Variants in SLAMF8 observed in about 807,000 individuals in gnomAD.
SLAMF8 encodes B lymphocyte activator macrophage expressed.
In SLAMF8, 23 loss-of-function variants were observed where a neutral mutation model predicts 29.0. The ratio of observed to expected loss-of-function variants is 0.79; its 90% CI spans 0.57 to 1.13. SLAMF8 has a LOEUF of 1.13. Ranked by LOEUF, SLAMF8 falls within the 50% of genes most tolerant of loss-of-function variation. The probability of loss-of-function intolerance (pLI) is 0.00; values close to 1 mark genes in which losing one functional copy is unlikely to be tolerated. For synonymous variants in SLAMF8, 139 were observed against 145.6 expected (o/e 0.96, Z 0.32); for missense variants, 381 against 353.1 (o/e 1.08, Z -0.63).
chr1:159,831,396 C>T (rs1345854832), intron 2 of SLAMF8, among the ~76,000 whole-genome samples: 1 of 151,962 alleles, frequency 6.6e-6, no homozygotes, highest in Non-Finnish European at 1.5e-5. Context: ...TCTGGATGCA[C>T]GCAGCCCTGA....
chr1:159,836,051 A>G lies in SLAMF8; in HGVS notation c.*791A>G, dbSNP rs150698058. 799 of 985,464 alleles carry G rather than the reference A, an allele frequency of 8.1e-4. 6 individuals are homozygous for G. In the African/African-American group the frequency reaches 0.013, roughly 16 times the overall value. The allele number at this position is 985,464 out of a possible 1,614,324, so 61.0% of individuals were successfully genotyped here. On this transcript the variant is annotated 3_prime_UTR_variant, in exon 5 of 5. Coordinates refer to ENST00000289707, the MANE Select transcript of SLAMF8 (RefSeq NM_020125.3). ...GGAGAGTCTTTCCTCACGCTCCAGC[A>G]CAGTGGCCAGGAAAAGAAATACTGA... is the stretch of plus-strand genomic sequence containing the variant.
chr1:159,830,364 C>A (rs1452707192), intron 2 of SLAMF8, among the ~76,000 whole-genome samples, 172 bp downstream of exon 2: 2 of 152,204 alleles, frequency 1.3e-5, no homozygotes, highest in Non-Finnish European at 2.9e-5. Flanking sequence ...GAAAATTCCT[C>A]CTGGCTGCAG....
intron 2 of SLAMF8, among the ~76,000 whole-genome samples, chr1:159,832,049 G>A (rs1647523165): frequency 6.6e-6 from 1 of 152,082 alleles, no homozygotes; most frequent in South Asian, 2.1e-4. Context: ...CTCTCCCACT[G>A]GCCTCATTTC....
At chr1:159,830,463 C>T (rs1571135671) in intron 2 of SLAMF8, among the ~76,000 whole-genome samples, 1 of 152,312 alleles carries the variant, frequency 6.6e-6, no homozygotes, top group East Asian at 1.9e-4. Context: ...TGCTTAGCCT[C>T]CCTGGCCTTC....
In SLAMF8 at chr1:159,826,948, G is replaced by T. The variant is rs754570213; in HGVS notation, c.40+10G>T. 22 of 1,614,046 alleles carry T rather than the reference G, an allele frequency of 1.4e-5. No individual in the cohort carries two copies. The highest frequency in any genetic ancestry group is 6.7e-5 in the East Asian group (3 of 44,862). On this transcript the variant is annotated intron_variant, in intron 1 of 4. Transcript: ENST00000289707. The stretch of plus-strand genomic sequence containing the variant: ...CTGCTTCTCTGGGAAGGTAAGTGGG[G>T]CAGGCAGATAGCCTGTCCTCGGAGA...
chr1:159,830,281 G>A (rs1379899312), intron 2 of SLAMF8, 89 bp downstream of exon 2: 3 of 1,373,118 alleles, frequency 2.2e-6, no homozygotes, highest in South Asian at 1.5e-5. Context: ...GGGAGAGCTG[G>A]GTTCCAGAAA....
chr1:159,833,424 G>A (rs1316015001), intron 4 of SLAMF8, 55 bp downstream of exon 4: 3 of 1,611,684 alleles, frequency 1.9e-6, no homozygotes, highest in South Asian at 1.1e-5. Flanking sequence ...TCCTGGGGAG[G>A]AGGGGGTCTT....
At chr1:159,830,277 G>A (rs1006985762) in intron 2 of SLAMF8, 85 bp downstream of exon 2, 3 of 1,398,066 alleles carry the variant, frequency 2.1e-6, no homozygotes, top group Non-Finnish European at 2.9e-6. Context: ...GCCAGGGAGA[G>A]CTGGGTTCCA....
Position 159,830,193 on chromosome 1 carries a change from G to A in SLAMF8, c.367+1G>A. 6.3e-7 allele frequency: 1 copy of A among 1,586,266 alleles called. No homozygotes were observed. The highest frequency in any genetic ancestry group is 8.6e-7 in the Non-Finnish European group (1 of 1,162,456). ...CAGACCCTCCAGCTCAAGGTGTACG[G>A]TGAGTGTGTCTGACACTGGCTGCCT... On this transcript the variant is annotated splice_donor_variant, in intron 2 of 4. Coordinates refer to ENST00000289707, the MANE Select transcript of SLAMF8 (RefSeq NM_020125.3). LOFTEE classifies it high-confidence loss of function.
In SLAMF8 at chr1:159,833,353, C is replaced by G; in HGVS notation, c.765C>G (p.His255Gln). ...TGGTTACTCTCTTCTCTGCCTGGCA[C>G]TGGTGCCCCTGCTCAGGTAGGAGTC... ...LMLVTLFSAW[H>Q]WCPCSGKKKK... The change falls in exon 4 of 5, where the codon CAC becomes CAG. Residue 255 changes from histidine to glutamine, a missense_variant. By Grantham distance (24) the His-to-Gln change is conservative. Transcript: ENST00000289707. 1.9e-6 allele frequency: 3 copies of G among 1,614,016 alleles called. No homozygotes were observed. Among genetic ancestry groups the G allele is most frequent in the Non-Finnish European group, 2.5e-6 (3 of 1,179,876 alleles).
At chr1:159,829,690 G>A (rs1196373724) in intron 1 of SLAMF8, among the ~76,000 whole-genome samples, 176 bp from the exon 2 acceptor site, 1 of 152,216 alleles carries the variant, frequency 6.6e-6, no homozygotes, top group African/African-American at 2.4e-5. Flanking sequence ...TGAATGCAGA[G>A]ACTGGGGTTA....
At position 159,833,128 on chromosome 1, in the gene SLAMF8, T is replaced by C. The variant is rs1342963836; in HGVS notation, c.620T>C (p.Val207Ala). 1 of 1,614,028 alleles carries C rather than the reference T, an allele frequency of 6.2e-7. No individual in the cohort carries two copies. Among genetic ancestry groups the C allele is most frequent in the Non-Finnish European group, 8.5e-7 (1 of 1,180,032 alleles). The change falls in exon 3 of 5, where the codon GTC becomes GCC. Residue 207 changes from valine to alanine, a missense_variant. By Grantham distance (64) the Val-to-Ala change is moderately conservative. Transcript: ENST00000289707. ...TATTCCTGCATTGTCTCCAACCCTG[T>C]CAGCTGGGACTTGGCCACAGTCACG... Reference protein sequence around the residue: ...VAYSCIVSNPVSWDLATVTPW... With the variant: ...VAYSCIVSNPASWDLATVTPW...
intron 4 of SLAMF8, 59 bp downstream of exon 4, chr1:159,833,428 G>T: frequency 6.2e-7 from 1 of 1,610,076 alleles, no homozygotes; most frequent in Non-Finnish European, 8.5e-7. Flanking sequence ...GGGGAGGAGG[G>T]GGTCTTGGAC....
intron 1 of SLAMF8, among the ~76,000 whole-genome samples, chr1:159,828,845 AG>A (rs36030976): frequency 2.0e-5 from 3 of 151,872 alleles, no homozygotes; most frequent in Non-Finnish European, 4.4e-5. Flanking sequence ...CAAAGGAGTC[AG>A]GGGGGCACTT....
In SLAMF8 at chr1:159,829,910, G is replaced by C. The variant is rs766213856; in HGVS notation, c.85G>C (p.Val29Leu). The C allele has an allele frequency of 6.2e-7, 1 of 1,614,086 alleles. No individual in the cohort carries two copies. The highest frequency in any genetic ancestry group is 1.1e-5 in the South Asian group (1 of 91,078). ...TVTGAQVLSK[V>L]GGSVLLVAAR... ...TACTGGTGCCCAAGTGCTGAGCAAA[G>C]TCGGGGGCTCGGTGCTGCTGGTGGC... is the stretch of plus-strand genomic sequence containing the variant. Residue 29 changes from valine (V) to leucine (L), a missense_variant, in exon 2 of 5, where the codon GTC becomes CTC. By Grantham distance (32) the Val-to-Leu change is conservative. Transcript: ENST00000289707.
At chr1:159,834,219 G>A (rs768240868) in intron 4 of SLAMF8, among the ~76,000 whole-genome samples, 26 of 152,246 alleles carry the variant, frequency 1.7e-4, no homozygotes, top group East Asian at 3.9e-4. Context: ...AGTCAGCAAG[G>A]AGGAGTCACT....
intron 4 of SLAMF8, 53 bp from the exon 5 acceptor site, chr1:159,835,131 T>C: frequency 1.3e-6 from 2 of 1,575,134 alleles, no homozygotes; most frequent in Middle Eastern, 1.7e-4. Context: ...AGGCCAAGGA[T>C]TCCAAGACTC....
intron 1 of SLAMF8, among the ~76,000 whole-genome samples, chr1:159,827,223 T>C (rs1228252414): frequency 1.3e-5 from 2 of 152,154 alleles, no homozygotes; most frequent in East Asian, 3.8e-4. Flanking sequence ...CAGTGGGTGA[T>C]ACTGCTGGTT....
rs757785411 is a variant in SLAMF8 at position 159,833,176 on chromosome 1, A to T, written c.668A>T (p.Glu223Val). Residue 223 changes from glutamate to valine, a missense_variant, in exon 3 of 5, where the codon GAG becomes GTG. Glu to Val is a moderately radical substitution (Grantham distance 121). Coordinates refer to ENST00000289707, the MANE Select transcript of SLAMF8 (RefSeq NM_020125.3). ...TVTPWDSCHH[E>V]AAPGKASYKD... Reference sequence around the variant, plus strand: ...ACGCCCTGGGATAGCTGTCATCATGAGGCAGGTATGCTAAGGGCCAGCAGT... The same window carrying T: ...ACGCCCTGGGATAGCTGTCATCATGTGGCAGGTATGCTAAGGGCCAGCAGT... 3 of 1,614,086 alleles carry T rather than the reference A, an allele frequency of 1.9e-6. No individual in the cohort carries two copies. Among genetic ancestry groups the T allele is most frequent in the Non-Finnish European group, 2.5e-6 (3 of 1,179,950 alleles).
Sources: allele counts gnomAD v4.1 joint callset (sites outside exome capture counted in the v4.1 genomes callset), GRCh38; gene constraint gnomAD v4.1.1; transcripts MANE v1.5; gene names NCBI Gene and HGNC (gene_info 2026-07-23, HGNC 2026-07-21).